N4BP2: variants seen among roughly 807,000 people sequenced by gnomAD.
The protein encoded by N4BP2 is NEDD4 binding protein 2.
Under a neutral mutation model 152.8 loss-of-function variants are expected in N4BP2, and 91 were observed. The ratio of observed to expected loss-of-function variants is 0.60; its 90% CI spans 0.50 to 0.71. N4BP2 has a LOEUF of 0.71. N4BP2 is among the 30% of genes least tolerant of loss of function. The probability of loss-of-function intolerance (pLI) is 0.00; values close to 1 mark genes in which losing one functional copy is unlikely to be tolerated. For missense variants in N4BP2, 1,923 were observed against 2,059.1 expected (o/e 0.93, Z 1.28); for synonymous variants, 646 against 705.3 (o/e 0.92, Z 1.33).
rs1721446702 is a variant in N4BP2 at position 40,154,587 on chromosome 4, T to C, written c.*350T>C. Reference sequence around the variant, plus strand: ...ATTTAGTAATGTCCTAAAAGTCTTTTGTGAGAGGTATTTAAAGTGCTTTGA... The same window carrying C: ...ATTTAGTAATGTCCTAAAAGTCTTTCGTGAGAGGTATTTAAAGTGCTTTGA... On this transcript the variant is annotated 3_prime_UTR_variant, in exon 18 of 18. Transcript: ENST00000261435. 1 of 197,492 alleles carries C rather than the reference T, an allele frequency of 5.1e-6. No individual in the cohort carries two copies. The highest frequency in any genetic ancestry group is 1.0e-4 in the South Asian group (1 of 9,884). The allele number at this position is 197,492 out of a possible 1,614,324, so 12.2% of individuals were successfully genotyped here. A position where few individuals can be genotyped will look rare whatever the true frequency, so the allele number is the denominator to read the frequency against.
At chr4:40,163,406 G>C in the N4BP2 span, among the ~76,000 whole-genome samples, 1 of 152,198 alleles carries the variant, frequency 6.6e-6, no homozygotes, top group Non-Finnish European at 1.5e-5. Flanking sequence ...TGTAGCTCCT[G>C]CAGGTGAATT....
At chr4:40,170,143 G>A in the N4BP2 span, among the ~76,000 whole-genome samples, 1 of 151,962 alleles carries the variant, frequency 6.6e-6, no homozygotes, top group South Asian at 2.1e-4. Context: ...CAATAATTGT[G>A]TCTATAATTT....
chr4:40,082,795 G>A (rs556216003), intron 2 of N4BP2, among the ~76,000 whole-genome samples: 1 of 152,042 alleles, frequency 6.6e-6, no homozygotes, highest in African/African-American at 2.4e-5. Context: ...CTGCCGCCCG[G>A]GTTCACGCCA....
intron 3 of N4BP2, among the ~76,000 whole-genome samples, chr4:40,098,188 A>G (rs750845299): frequency 6.6e-6 from 1 of 152,216 alleles, no homozygotes; most frequent in African/African-American, 2.4e-5. Context: ...TAATTATGCA[A>G]ATAAGAGCTG....
chr4:40,090,987 G>T (rs1410941389), intron 2 of N4BP2, among the ~76,000 whole-genome samples: 1 of 134,748 alleles, frequency 7.4e-6, no homozygotes, highest in Non-Finnish European at 1.6e-5. Context: ...AATAAGTGAG[G>T]ACTTAGTGTA....
intron 1 of N4BP2, among the ~76,000 whole-genome samples, chr4:40,066,637 C>T (rs980102982): frequency 2.0e-5 from 3 of 152,108 alleles, no homozygotes; most frequent in African/African-American, 4.8e-5. Context: ...GTTTTTGAGT[C>T]TATCTCTCTT....
At chr4:40,092,897 G>A (rs1714749329) in intron 2 of N4BP2, among the ~76,000 whole-genome samples, 1 of 151,306 alleles carries the variant, frequency 6.6e-6, no homozygotes, top group Non-Finnish European at 1.5e-5. Context: ...ACCCACCTCA[G>A]CCTCCCAAAG....
the N4BP2 span, among the ~76,000 whole-genome samples, chr4:40,171,650 A>T: frequency 1.3e-5 from 2 of 152,178 alleles, no homozygotes; most frequent in Non-Finnish European, 2.9e-5. Context: ...AATAGGATAG[A>T]TATCTACATA....
At chr4:40,176,020 G>A in the N4BP2 span, among the ~76,000 whole-genome samples, 7 of 150,524 alleles carry the variant, frequency 4.7e-5, no homozygotes, top group African/African-American at 1.5e-4. Context: ...AACCCGGGAG[G>A]CAGAGATTGC....
At chr4:40,141,025 C>T (rs920349108) in intron 14 of N4BP2, among the ~76,000 whole-genome samples, 33 of 151,744 alleles carry the variant, frequency 2.2e-4, no homozygotes, top group African/African-American at 4.8e-5. Flanking sequence ...CGATTTCTCA[C>T]TCTTTTCCCC....
At chr4:40,091,465 G>T (rs189383817) in intron 2 of N4BP2, among the ~76,000 whole-genome samples, 6 of 152,034 alleles carry the variant, frequency 3.9e-5, no homozygotes, top group Admixed American at 3.9e-4. Context: ...CATGAATGGT[G>T]TTGAATTTTG....
chr4:40,088,875 G>A (rs999227234), intron 2 of N4BP2, among the ~76,000 whole-genome samples: 3 of 152,028 alleles, frequency 2.0e-5, no homozygotes, highest in Non-Finnish European at 4.4e-5. Context: ...TTTGCCACCT[G>A]TATCTCCTCT....
rs900511858 is a variant in N4BP2, at chr4:40,113,319, C to T, written c.1588-113C>T. 3.1e-5 allele frequency: 23 copies of T among 744,790 alleles called. 1 individual carries two copies. Among genetic ancestry groups the T allele is most frequent in the Non-Finnish European group, 4.8e-5 (22 of 454,242 alleles). 46.1% of individuals were successfully genotyped at this position (744,790 alleles called of 1,614,324 possible). A position where few individuals can be genotyped will look rare whatever the true frequency, so the allele number is the denominator to read the frequency against. On this transcript the variant is annotated intron_variant, in intron 6 of 17. Coordinates refer to ENST00000261435, the MANE Select transcript of N4BP2 (RefSeq NM_018177.6). ...GATTGTATATTTTGCCATTTTAACA[C>T]ACTCATCAAGATTAGATAATCTTTA... is the stretch of plus-strand genomic sequence containing the variant.
At chr4:40,105,386 TG>T (rs2109968331) in intron 4 of N4BP2, among the ~76,000 whole-genome samples, 1 of 150,400 alleles carries the variant, frequency 6.6e-6, no homozygotes, top group South Asian at 2.1e-4. Context: ...TGCAGTGGTG[TG>T]ATCTCAGCTT....
the N4BP2 span, among the ~76,000 whole-genome samples, chr4:40,177,621 A>G: frequency 5.1e-4 from 77 of 151,948 alleles, no homozygotes; most frequent in African/African-American, 1.8e-3. Context: ...GTCTCAAAAA[A>G]TAAAATAAAT....
the N4BP2 span, among the ~76,000 whole-genome samples, chr4:40,177,762 C>G: frequency 6.6e-6 from 1 of 152,136 alleles, no homozygotes; most frequent in African/African-American, 2.4e-5. Flanking sequence ...AAGGCTTTGG[C>G]TCTCTTTACG....
chr4:40,186,893 A>G, the N4BP2 span, among the ~76,000 whole-genome samples: 1 of 152,222 alleles, frequency 6.6e-6, no homozygotes, highest in African/African-American at 2.4e-5. Flanking sequence ...CATCTGGATG[A>G]CATATTTTGT....
rs534687969 is a variant in N4BP2, at chr4:40,135,244, C to A, written c.4647-1700C>A. On this transcript the variant is annotated intron_variant, in intron 13 of 17. Coordinates refer to ENST00000261435, the MANE Select transcript of N4BP2 (RefSeq NM_018177.6). ...ATAGTTTACTGAGAATGATGATTTC[C>A]AATTTCATCCATGTCCCTACAAAGG... Among the ~76,000 whole-genome samples the A allele has an allele frequency of 2.2e-3, 340 of 151,334 alleles. 2 individuals carry two copies. The highest frequency in any genetic ancestry group is 5.2e-3 in the Admixed American group (79 of 15,162).
chr4:40,126,225 A>G lies in N4BP2; in HGVS notation c.4422A>G (p.Ala1474=). 6.2e-7 allele frequency: 1 copy of G among 1,609,272 alleles called. No homozygotes were observed. The highest frequency in any genetic ancestry group is 8.5e-7 in the Non-Finnish European group (1 of 1,177,524). ...TGKKLLKTLT[A]SEMLPLLDHW... ...AAAAATTACTGAAGACTTTAACAGC[A>G]TCTGAAATGCTACCTTTATTGGATC... is the stretch of plus-strand genomic sequence containing the variant. Residue 1474 remains alanine, a synonymous_variant, in exon 12 of 18, where the codon GCA becomes GCG. Transcript: ENST00000261435.
Sources: allele counts gnomAD v4.1 joint callset (sites outside exome capture counted in the v4.1 genomes callset), GRCh38; gene constraint gnomAD v4.1.1; transcripts MANE v1.5; gene names NCBI Gene and HGNC (gene_info 2026-07-23, HGNC 2026-07-21).